SAR1B: variants seen among roughly 807,000 people sequenced by gnomAD.
The protein encoded by SAR1B is small COPII coat GTPase SAR1B.
In SAR1B, 23 loss-of-function variants were observed where a neutral mutation model predicts 26.8. That is an observed-to-expected ratio of 0.86 (90% CI 0.62 to 1.22). The LOEUF is 1.22. SAR1B is among the 50% of genes most tolerant of loss of function. The pLI is 0.00. For synonymous variants in SAR1B, 65 were observed against 80.8 expected (o/e 0.80, Z 1.05); for missense variants, 196 against 232.8 (o/e 0.84, Z 1.03).
Position 134,601,304 on chromosome 5 carries a change from T to G in SAR1B, c.*5646A>C, listed in dbSNP as rs967936522. 4 of 152,152 alleles carry G rather than the reference T, an allele frequency of 2.6e-5. No homozygotes were observed. Among genetic ancestry groups the G allele is most frequent in the African/African-American group, 4.8e-5 (2 of 41,436 alleles). The allele number at this position is 152,152 out of a possible 1,614,324, so 9.4% of individuals were successfully genotyped here. A position where few individuals can be genotyped will look rare whatever the true frequency, so the allele number is the denominator to read the frequency against. Reference sequence around the variant, plus strand: ...GCTCTTTGTTGTAAAACACACAAAGTTAAACAGAAACATCTTTATATAAAT... The same window carrying G: ...GCTCTTTGTTGTAAAACACACAAAGGTAAACAGAAACATCTTTATATAAAT... On this transcript the variant is annotated 3_prime_UTR_variant, in exon 7 of 7. Transcript: ENST00000402673.
chr5:134,607,598 C>A (rs1191487223), intron 6 of SAR1B, among the ~76,000 whole-genome samples: 1 of 151,956 alleles, frequency 6.6e-6, no homozygotes, highest in East Asian at 1.9e-4. Flanking sequence ...CATGGAGAAA[C>A]CCCGTCTCTA....
intron 1 of SAR1B, among the ~76,000 whole-genome samples, chr5:134,629,042 C>A (rs955800309): frequency 3.3e-5 from 5 of 151,800 alleles, no homozygotes; most frequent in South Asian, 2.1e-4. Context: ...TTGCTTGAGC[C>A]CAAGAATTCA....
chr5:134,624,667 G>A (rs1176535141), intron 1 of SAR1B, among the ~76,000 whole-genome samples: 3 of 140,080 alleles, frequency 2.1e-5, no homozygotes, highest in Non-Finnish European at 3.0e-5. Context: ...TTGCTCTGTC[G>A]CCCAGGCTAG....
intron 2 of SAR1B, among the ~76,000 whole-genome samples, chr5:134,621,413 T>C (rs988582734): frequency 6.6e-6 from 1 of 152,046 alleles, no homozygotes; most frequent in Admixed American, 6.6e-5. Flanking sequence ...GAAGTTGCGG[T>C]GGTGAGCTGA....
chr5:134,616,865 T>C, intron 3 of SAR1B, among the ~76,000 whole-genome samples: 1 of 152,224 alleles, frequency 6.6e-6, no homozygotes, highest in East Asian at 1.9e-4. Context: ...TCTTGCTAAG[T>C]AGCATTCCAT....
In SAR1B at chr5:134,622,514, G is replaced by A. The variant is rs375165225; in HGVS notation, c.58+1448C>T. 2.1e-4 allele frequency among the ~76,000 whole-genome samples: 31 copies of A among 150,498 alleles called. No homozygotes were observed. In the East Asian group the frequency reaches 4.0e-3, roughly 19 times the overall value. On this transcript the variant is annotated intron_variant, in intron 2 of 6. Coordinates refer to ENST00000402673, the MANE Select transcript of SAR1B (RefSeq NM_016103.4). ...CAACCTCCGCCTCCTGGGTTCAAGC[G>A]ATTCTCCTGCCTCAGCCTCCCAAGT...
intron 1 of SAR1B, among the ~76,000 whole-genome samples, chr5:134,630,778 C>CA (rs772159748): frequency 0.011 from 638 of 58,978 alleles, 6 homozygotes; most frequent in Middle Eastern, 0.053. Context: ...GACTCCGTCT[C>CA]AAAAAAAAAA....
chr5:134,608,488 C>A lies in SAR1B; in HGVS notation c.364G>T (p.Glu122Ter), dbSNP rs137853125. The A allele has an allele frequency of 3.1e-6, 5 of 1,612,120 alleles. No homozygotes were observed. Among genetic ancestry groups the A allele is most frequent in the Non-Finnish European group, 4.2e-6 (5 of 1,179,396 alleles). Residue 122 changes from glutamate (E) to a stop codon, truncating the protein, a stop_gained, in exon 6 of 7, where the codon GAA (glutamate) becomes TAA (stop). Transcript: ENST00000402673. LOFTEE classifies it high-confidence loss of function. ...AGTATAGGCACATTAGCAATGGTTT[C>A]ATCTGTCATTAGTGACTGAAAAAAA... ...KEELDSLMTD[E>*]TIANVPILIL...
chr5:134,620,288 A>G (rs1480303776), intron 3 of SAR1B, among the ~76,000 whole-genome samples: 16 of 152,032 alleles, frequency 1.1e-4, no homozygotes, highest in Admixed American at 8.5e-4. Flanking sequence ...CCTGGGCGAC[A>G]GAGTGAGACT....
At position 134,603,629 on chromosome 5, in the gene SAR1B, T is replaced by A. The variant is rs903083232; in HGVS notation, c.*3321A>T. The A allele has an allele frequency of 6.6e-6, 1 of 151,842 alleles. No individual in the cohort carries two copies. Among genetic ancestry groups the A allele is most frequent in the African/African-American group, 2.4e-5 (1 of 41,314 alleles). 9.4% of individuals were successfully genotyped at this position (151,842 alleles called of 1,614,324 possible). On this transcript the variant is annotated 3_prime_UTR_variant, in exon 7 of 7. Transcript: ENST00000402673. ...GCCTGGCCAACATAGTGAAACCCCA[T>A]CTCTACTAAAAATACAAAAATTAGC...
chr5:134,627,517 G>A (rs1043339375), intron 1 of SAR1B, among the ~76,000 whole-genome samples: 1 of 151,400 alleles, frequency 6.6e-6, no homozygotes, highest in Non-Finnish European at 1.5e-5. Flanking sequence ...TTTTAAAACC[G>A]GCCGGGCGTG....
chr5:134,623,265 G>A (rs149387554), intron 2 of SAR1B, among the ~76,000 whole-genome samples: 8 of 151,508 alleles, frequency 5.3e-5, no homozygotes, highest in Non-Finnish European at 1.2e-4. Flanking sequence ...ACATGGCAAA[G>A]CCCCATCTTT....
intron 1 of SAR1B, among the ~76,000 whole-genome samples, chr5:134,629,885 CAAAAAAA>C (rs769758227): frequency 4.2e-5 from 3 of 72,062 alleles, no homozygotes; most frequent in South Asian, 8.8e-4. Context: ...CATTCTGTCT[CAAAAAAA>C]AAAAAAAGAA....
chr5:134,610,300 C>G (rs1175844633), intron 4 of SAR1B, among the ~76,000 whole-genome samples: 1 of 151,942 alleles, frequency 6.6e-6, no homozygotes, highest in African/African-American at 2.4e-5. Flanking sequence ...AACCTCATCT[C>G]TACAAAAAAA....
At chr5:134,614,741 A>G (rs1000946993) in intron 3 of SAR1B, 1 of 152,184 alleles carries the variant, frequency 6.6e-6, no homozygotes, top group African/African-American at 2.4e-5. Flanking sequence ...ATTCTGGTCT[A>G]CATCTCCTCA....
In SAR1B at chr5:134,608,397, C is replaced by G; in HGVS notation, c.455G>C (p.Gly152Ala). ...ISEERLREMF[G>A]LYGQTTGKGS... The stretch of plus-strand genomic sequence containing the variant: ...CTTTCCTGTTGTCTGACCATATAAA[C>G]CAAACATCTCTCGCAACCTCTCTTC... The change falls in exon 6 of 7, where the codon GGT (glycine) becomes GCT (alanine). Residue 152 changes from glycine (G) to alanine (A), a missense_variant. Physicochemically the swap from Gly to Ala is moderately conservative, Grantham distance 60. Coordinates refer to ENST00000402673, the MANE Select transcript of SAR1B (RefSeq NM_016103.4). 1.3e-6 allele frequency: 2 copies of G among 1,592,496 alleles called. No homozygotes were observed. Among genetic ancestry groups the G allele is most frequent in the South Asian group, 2.2e-5 (2 of 89,040 alleles).
At position 134,623,971 on chromosome 5, in the gene SAR1B, G is replaced by A. The variant is rs1765454908; in HGVS notation, c.49C>T (p.Gln17Ter). 2 of 1,606,634 alleles carry A rather than the reference G, an allele frequency of 1.2e-6. No individual in the cohort carries two copies. The highest frequency in any genetic ancestry group is 8.5e-7 in the Non-Finnish European group (1 of 1,173,456). ...AAAGGACCAACATTACCTAAAAACT[G>A]TAGCACACTGCTGAAACCACTGTAA... Reference protein sequence around the residue: ...WIYSGFSSVLQFLGLYKKTGK... With the variant: ...WIYSGFSSVL Residue 17 changes from glutamine (Q) to a stop codon, truncating the protein, a stop_gained, in exon 2 of 7, where the codon CAG (glutamine) becomes TAG (stop). Coordinates refer to ENST00000402673, the MANE Select transcript of SAR1B (RefSeq NM_016103.4). LOFTEE classifies it high-confidence loss of function.
intron 3 of SAR1B, among the ~76,000 whole-genome samples, chr5:134,615,894 C>G (rs1282599993): frequency 6.9e-6 from 1 of 145,464 alleles, no homozygotes; most frequent in African/African-American, 2.5e-5. Flanking sequence ...CCCAGCACTT[C>G]GGGAGGCCGA....
intron 1 of SAR1B, chr5:134,625,742 G>GTCA (rs1765483529): frequency 1.3e-5 from 2 of 152,104 alleles, no homozygotes; most frequent in Non-Finnish European, 2.9e-5. Context: ...CAGGCTAGAG[G>GTCA]GTACACTGTC....
Sources: allele counts gnomAD v4.1 joint callset (sites outside exome capture counted in the v4.1 genomes callset), GRCh38; gene constraint gnomAD v4.1.1; transcripts MANE v1.5; gene names NCBI Gene and HGNC (gene_info 2026-07-23, HGNC 2026-07-21).